Variants in WFS1 observed in about 807,000 individuals in gnomAD.
WFS1 encodes wolframin.
A neutral mutation model predicts 68.5 loss-of-function variants in WFS1; 90 were observed. The observed-to-expected ratio is 1.31, with a 90% confidence interval of 1.11 to 1.56. The LOEUF is 1.56. Ranked by LOEUF, WFS1 falls within the 40% of genes most tolerant of loss-of-function variation. WFS1 has a pLI of 0.00. For synonymous variants in WFS1, 860 were observed against 540.7 expected (o/e 1.59, Z -8.19); for missense variants, 1,767 against 1,232.6 (o/e 1.43, Z -6.49).
In WFS1 at chr4:6,302,362, C is replaced by T. The variant is rs767210298; in HGVS notation, c.2567C>T (p.Pro856Leu). The change falls in exon 8 of 8, where the codon CCC (proline) becomes CTC (leucine). Residue 856 changes from proline (P) to leucine (L), a missense_variant. Pro to Leu is a moderately conservative substitution (Grantham distance 98, BLOSUM62 -3). Transcript: ENST00000226760. The part of the protein sequence containing the change: ...SCLNCMAQLS[P>L]TRRHVKIEHD... ...CTCAACTGCATGGCCCAGCTCTCAC[C>T]CACCAGGCGGCACGTGAAGATCGAG... The T allele has an allele frequency of 3.1e-6, 5 of 1,613,054 alleles. No individual in the cohort carries two copies. In the South Asian group the frequency reaches 5.5e-5, roughly 18 times the overall value.
At chr4:6,292,769 T>A (rs2109117827) in intron 6 of WFS1, among the ~76,000 whole-genome samples, 1 of 152,284 alleles carries the variant, frequency 6.6e-6, no homozygotes, top group East Asian at 1.9e-4. Flanking sequence ...GGTCTCATTT[T>A]TCTTTCTGGG....
intron 7 of WFS1, among the ~76,000 whole-genome samples, chr4:6,298,175 C>A (rs6823148): frequency 6.6e-6 from 1 of 152,194 alleles, no homozygotes; most frequent in Non-Finnish European, 1.5e-5. Flanking sequence ...TCCTGCTGTT[C>A]GCAAGGCCCC....
chr4:6,293,593 G>T (rs563916237), intron 6 of WFS1, among the ~76,000 whole-genome samples: 2 of 152,300 alleles, frequency 1.3e-5, no homozygotes, highest in South Asian at 4.1e-4. Context: ...GGGCAGAGAT[G>T]ACTGCTCTTC....
In WFS1 at chr4:6,302,251, A is replaced by C. The variant is rs1321291819; in HGVS notation, c.2456A>C (p.Gln819Pro). The C allele has an allele frequency of 4.4e-6, 7 of 1,604,796 alleles. No homozygotes were observed. The highest frequency in any genetic ancestry group is 2.2e-5 in the South Asian group (2 of 90,816). Residue 819 changes from glutamine (Q) to proline (P), a missense_variant, in exon 8 of 8, where the codon CAG becomes CCG. By Grantham distance (76) the Gln-to-Pro change is moderately conservative (BLOSUM62 -1). Coordinates refer to ENST00000226760, the MANE Select transcript of WFS1 (RefSeq NM_006005.3). ...AAGAGCGTGCTGCTCAGCCTGCGCC[A>C]GGGCAGCCTCATCGAGTTCAGCACC... The part of the protein sequence containing the change: ...EFKSVLLSLR[Q>P]GSLIEFSTIL...
chr4:6,296,212 C>G (rs1730635251), intron 7 of WFS1, among the ~76,000 whole-genome samples: 1 of 152,220 alleles, frequency 6.6e-6, no homozygotes, highest in African/African-American at 2.4e-5. Context: ...TAGGCCCGCC[C>G]TCCGGTGGGG....
chr4:6,295,221 C>A (rs760686184), intron 7 of WFS1, 32 bp downstream of exon 7: 2 of 1,609,628 alleles, frequency 1.2e-6, no homozygotes, highest in Non-Finnish European at 1.7e-6. Context: ...CAGGCCGGAG[C>A]CTGCCTCCCA....
At chr4:6,291,450 ACCTTCCCTCAGGGGCTGGG>A in intron 5 of WFS1, 83 bp downstream of exon 5, 1 of 1,543,922 alleles carries the variant, frequency 6.5e-7, no homozygotes. Flanking sequence ...AGGGGCTGGG[ACCTTCCCTCAGGGGCTGGG>A]TCTTCCCACA....
intron 2 of WFS1, among the ~76,000 whole-genome samples, chr4:6,279,816 T>G (rs1730104297): frequency 6.6e-6 from 1 of 152,210 alleles, no homozygotes; most frequent in Non-Finnish European, 1.5e-5. Context: ...AGCTGCTCCT[T>G]GGCCTGTACA....
chr4:6,290,876 G>T (rs1332211795), intron 4 of WFS1, among the ~76,000 whole-genome samples: 1 of 152,224 alleles, frequency 6.6e-6, no homozygotes, highest in African/African-American at 2.4e-5. Flanking sequence ...GACCTTGAGT[G>T]AGCCAGAACA....
Position 6,301,432 on chromosome 4 carries a change from T to G in WFS1, c.1637T>G (p.Val546Gly). 6.2e-7 allele frequency: 1 copy of G among 1,612,526 alleles called. No homozygotes were observed. ...VCFMWCELSV[V>G]ILLESTGLGL... is the part of the protein sequence containing the mutation. ...TTCATGTGGTGTGAGCTCTCCGTGG[T>G]CATCCTGCTGGAGTCCACCGGCCTG... is the stretch of plus-strand genomic sequence containing the variant. The change falls in exon 8 of 8, where the codon GTC becomes GGC. Residue 546 changes from valine to glycine, a missense_variant. Val to Gly is a moderately radical substitution (Grantham distance 109). Coordinates refer to ENST00000226760, the MANE Select transcript of WFS1 (RefSeq NM_006005.3).
intron 7 of WFS1, among the ~76,000 whole-genome samples, chr4:6,298,362 A>C (rs955678794): frequency 6.6e-6 from 1 of 152,212 alleles, no homozygotes; most frequent in Admixed American, 6.5e-5. Context: ...AAATGCCCTC[A>C]AACCCTGTAG....
chr4:6,291,498 G>C, intron 5 of WFS1, 131 bp downstream of exon 5: 1 of 1,259,440 alleles, frequency 7.9e-7, no homozygotes, highest in Non-Finnish European at 1.1e-6. Flanking sequence ...GACCTTCCCT[G>C]TGAGGACAGG....
In WFS1 at chr4:6,301,962, C is replaced by T. The variant is rs1730946558; in HGVS notation, c.2167C>T (p.Leu723Phe). Reference sequence around the variant, plus strand: ...CAGCGCCGAGTCTGCCATCAACATGCTCCCGTTCTTCATCGGCGACTGGAT... The same window carrying T: ...CAGCGCCGAGTCTGCCATCAACATGTTCCCGTTCTTCATCGGCGACTGGAT... ...DNSAESAINMLPFFIGDWMRC... is the reference protein window; with the variant it reads ...DNSAESAINMFPFFIGDWMRC... Residue 723 changes from leucine to phenylalanine, a missense_variant, in exon 8 of 8, where the codon CTC becomes TTC. Leu to Phe is a conservative substitution (Grantham distance 22, BLOSUM62 0). Coordinates refer to ENST00000226760, the MANE Select transcript of WFS1 (RefSeq NM_006005.3). 3 of 1,612,696 alleles carry T rather than the reference C, an allele frequency of 1.9e-6. No individual in the cohort carries two copies. The highest frequency in any genetic ancestry group is 1.3e-5 in the African/African-American group (1 of 74,932).
At chr4:6,288,907 T>G (rs1730385171) in intron 3 of WFS1, 80 bp from the exon 4 acceptor site, 1 of 1,557,380 alleles carries the variant, frequency 6.4e-7, no homozygotes, top group Non-Finnish European at 8.7e-7. Context: ...GGGAAGTGGG[T>G]GAAAGGAGGT....
intron 1 of WFS1, among the ~76,000 whole-genome samples, chr4:6,273,730 T>C (rs1729903034): frequency 6.6e-6 from 1 of 152,190 alleles, no homozygotes; most frequent in Admixed American, 6.5e-5. Flanking sequence ...CCGGGAGATC[T>C]TTTCTGATCT....
rs751835613 is a variant in WFS1 at position 6,302,410 on chromosome 4, A to C, written c.2615A>C (p.His872Pro). 6 of 1,613,110 alleles carry C rather than the reference A, an allele frequency of 3.7e-6. No homozygotes were observed. In the African/African-American group the frequency reaches 8.0e-5, roughly 22 times the overall value. The change falls in exon 8 of 8, where the codon CAT becomes CCT. Residue 872 changes from histidine to proline, a missense_variant. Coordinates refer to ENST00000226760, the MANE Select transcript of WFS1 (RefSeq NM_006005.3). ...KIEHDWRSTV[H>P]GAVKFAFDFF... The stretch of plus-strand genomic sequence containing the variant: ...GAGCACGACTGGCGCAGCACCGTGC[A>C]TGGCGCCGTGAAGTTCGCCTTCGAC...
At position 6,302,781 on chromosome 4, in the gene WFS1, A is replaced by C. The variant is rs947587995; in HGVS notation, c.*313A>C. On this transcript the variant is annotated 3_prime_UTR_variant, in exon 8 of 8. Transcript: ENST00000226760. ...CGGTGTCTGGAAAAGCACTTTACAG[A>C]TGAGATTCCCTCTCCTCCCCCACCT... 2.1e-6 allele frequency: 1 copy of C among 482,868 alleles called. No individual in the cohort carries two copies. Among genetic ancestry groups the C allele is most frequent in the Non-Finnish European group, 3.7e-6 (1 of 270,354 alleles). The allele number at this position is 482,868 out of a possible 1,614,324, so 29.9% of individuals were successfully genotyped here.
At chr4:6,296,423 A>G (rs1426113208) in intron 7 of WFS1, among the ~76,000 whole-genome samples, 1 of 152,202 alleles carries the variant, frequency 6.6e-6, no homozygotes, top group Non-Finnish European at 1.5e-5. Flanking sequence ...AGGGTATGAC[A>G]CCGACCGGTC....
rs142651446 is a variant in WFS1 at position 6,277,496 on chromosome 4, A to G, written c.41A>G (p.Gln14Arg). Residue 14 changes from glutamine (Q) to arginine (R), a missense_variant, in exon 2 of 8, where the codon CAG (glutamine) becomes CGG (arginine). Coordinates refer to ENST00000226760, the MANE Select transcript of WFS1 (RefSeq NM_006005.3). ...NTAPLGPSCP[Q>R]PPPAPQPQAR... ...GCTCCGCTGGGCCCCTCCTGCCCAC[A>G]GCCCCCGCCAGCACCGCAGCCCCAG... 3.4e-4 allele frequency: 536 copies of G among 1,566,142 alleles called. 3 individuals carry two copies. In the East Asian group the frequency reaches 7.9e-3, roughly 23 times the overall value.
Sources: gnomAD v4.1 joint callset for allele counts (sites outside exome capture counted in the v4.1 genomes callset) on GRCh38, gnomAD v4.1.1 for gene constraint, MANE v1.5 for transcripts, NCBI Gene and HGNC (gene_info 2026-07-23, HGNC 2026-07-21) for gene names.